Variants in FLRT1 observed in about 807,000 individuals in gnomAD.
FLRT1 encodes the protein fibronectin leucine rich transmembrane protein 1.
FLRT1 carries 14 observed loss-of-function variants against 30.9 expected under a neutral mutation model. The observed-to-expected ratio is 0.45, with a 90% CI of 0.30 to 0.71. The LOEUF (loss-of-function observed/expected upper bound fraction) is 0.71. Among genes scored for constraint, FLRT1 ranks in the 30% least tolerant of loss-of-function variants. FLRT1 has a pLI of 0.08. For synonymous variants in FLRT1, 368 were observed against 430.4 expected, an observed-to-expected ratio of 0.85 and a Z score of 1.80; for missense variants, 737 against 949.2, an observed-to-expected ratio of 0.78 and a Z score of 2.94.
intron 2 of FLRT1, among the ~76,000 whole-genome samples, chr11:64,104,689 A>C (rs1467263699): frequency 1.3e-5 from 2 of 152,080 alleles, no homozygotes; most frequent in Non-Finnish European, 2.9e-5. Flanking sequence ...GGTTGATCCA[A>C]AGCTACTGCC....
At chr11:64,106,876 A>ATTTAT (rs1164075905) in intron 2 of FLRT1, among the ~76,000 whole-genome samples, 1 of 150,484 alleles carries the variant, frequency 6.6e-6, no homozygotes, top group Non-Finnish European at 1.5e-5. Flanking sequence ...GCTTTCTTTT[A>ATTTAT]TTTATTTTAT....
At chr11:64,073,624 G>A (rs1175918753) in intron 1 of FLRT1, among the ~76,000 whole-genome samples, 2 of 152,206 alleles carry the variant, frequency 1.3e-5, no homozygotes, top group South Asian at 2.1e-4. Context: ...CAGAGCCAGC[G>A]CTGGGGGTGC....
At chr11:64,099,937 G>A (rs897839460) in intron 1 of FLRT1, among the ~76,000 whole-genome samples, 1 of 152,166 alleles carries the variant, frequency 6.6e-6, no homozygotes, top group Non-Finnish European at 1.5e-5. Flanking sequence ...GGGTGCACAA[G>A]AGAGCCTCAG....
intron 1 of FLRT1, among the ~76,000 whole-genome samples, chr11:64,088,410 G>A (rs1389050622): frequency 6.6e-6 from 1 of 152,160 alleles, no homozygotes; most frequent in East Asian, 1.9e-4. Context: ...GTGGAAGGCC[G>A]GCACAAGCAT....
chr11:64,065,564 C>T (rs536343264), intron 1 of FLRT1, among the ~76,000 whole-genome samples: 12 of 151,860 alleles, frequency 7.9e-5, no homozygotes, highest in South Asian at 2.1e-4. Context: ...CCAAGGTGGG[C>T]GAATCACGAG....
intron 1 of FLRT1, among the ~76,000 whole-genome samples, chr11:64,053,185 T>A (rs1021398094): frequency 6.6e-6 from 1 of 152,066 alleles, no homozygotes; most frequent in Non-Finnish European, 1.5e-5. Context: ...CTTGGGGCCC[T>A]GGGGTGGGCG....
intron 1 of FLRT1, among the ~76,000 whole-genome samples, chr11:64,092,968 T>C (rs1429314528): frequency 6.6e-6 from 1 of 152,208 alleles, no homozygotes; most frequent in East Asian, 1.9e-4. Flanking sequence ...CAGAGGGAGT[T>C]CGGCTTGCAG....
At chr11:64,104,974 A>C (rs982254013) in intron 2 of FLRT1, among the ~76,000 whole-genome samples, 1 of 152,116 alleles carries the variant, frequency 6.6e-6, no homozygotes, top group African/African-American at 2.4e-5. Context: ...CCAATTCATT[A>C]CCAAGATGGA....
At position 64,082,584 on chromosome 11, in the gene FLRT1, G is replaced by A. The variant is rs1006577674; in HGVS notation, c.-1037-20610G>A. On this transcript the variant is annotated intron_variant, in intron 1 of 2. Transcript: ENST00000682287. This position sits in a 1 kb window ranked among gnomAD's most constrained non-coding sequence, Gnocchi z 4.5. ...GAAGTAGGGTTCAGATTCAGGTGAA[G>A]CTTAGGGGTCCCTGGGCTGAAGACG... Among the ~76,000 whole-genome samples the A allele has an allele frequency of 6.6e-6, 1 of 152,100 alleles. No homozygotes were observed. Among genetic ancestry groups the A allele is most frequent in the Non-Finnish European group, 1.5e-5 (1 of 67,992 alleles).
At chr11:64,042,946 A>C (rs1324642296) in intron 1 of FLRT1, among the ~76,000 whole-genome samples, 1 of 152,210 alleles carries the variant, frequency 6.6e-6, no homozygotes, top group Non-Finnish European at 1.5e-5. Flanking sequence ...TGAGGCACAG[A>C]GTGGAGACAC....
chr11:64,095,322 CT>C (rs1944557527), intron 1 of FLRT1, among the ~76,000 whole-genome samples: 1 of 152,334 alleles, frequency 6.6e-6, no homozygotes, highest in Admixed American at 6.5e-5. Context: ...GAAAAGGAAG[CT>C]AATAGCTTCC....
chr11:64,079,268 C>G (rs1944261386), intron 1 of FLRT1, among the ~76,000 whole-genome samples: 1 of 152,116 alleles, frequency 6.6e-6, no homozygotes, highest in Admixed American at 6.5e-5. Context: ...CAGGGGCTCC[C>G]ACCTGTGCTG....
chr11:64,053,005 G>A (rs535685838), intron 1 of FLRT1, among the ~76,000 whole-genome samples: 11 of 152,320 alleles, frequency 7.2e-5, no homozygotes, highest in East Asian at 1.9e-4. Context: ...AATTACATTC[G>A]GTTGCTTACA....
rs183334596 is a variant in FLRT1 at position 64,110,877 on chromosome 11, G to A, written c.-49-5342G>A. Among the ~76,000 whole-genome samples the A allele has an allele frequency of 3.7e-3, 557 of 152,294 alleles. 19 individuals are homozygous for A. The South Asian group carries it at 0.085, about 23-fold the overall frequency. On this transcript the variant is annotated intron_variant, in intron 2 of 2. Coordinates refer to ENST00000682287, the MANE Select transcript of FLRT1 (RefSeq NM_013280.5). Reference sequence around the variant, plus strand: ...GGCAATTAGAGATTCCTCTGGTGAGGCGTGCTATCTTCCTCCCCACCCCCA... The same window carrying A: ...GGCAATTAGAGATTCCTCTGGTGAGACGTGCTATCTTCCTCCCCACCCCCA...
chr11:64,079,346 G>A (rs987159197), intron 1 of FLRT1, among the ~76,000 whole-genome samples: 91 of 151,882 alleles, frequency 6.0e-4, no homozygotes, highest in African/African-American at 2.1e-3. Flanking sequence ...GGGAGGTTAC[G>A]GTTAAAGGGG....
At chr11:64,087,349 C>T (rs978381098) in intron 1 of FLRT1, among the ~76,000 whole-genome samples, 2 of 152,006 alleles carry the variant, frequency 1.3e-5, no homozygotes, top group Admixed American at 1.3e-4. Flanking sequence ...CCAACCCTGC[C>T]ACCCCTGCCA....
In FLRT1 at chr11:64,117,140, C is replaced by G; in HGVS notation, c.873C>G (p.Ala291=). The G allele has an allele frequency of 6.2e-7, 1 of 1,613,576 alleles. No homozygotes were observed. The highest frequency in any genetic ancestry group is 8.5e-7 in the Non-Finnish European group (1 of 1,179,784). ...GCCACATCCCCTACAACACGCTGGC[C>G]AAGATGCGTGAGCTGGAGCGGCTGG... is the stretch of plus-strand genomic sequence containing the variant. ...AISHIPYNTL[A]KMRELERLDL... is the part of the protein sequence containing the mutation. Residue 291 remains alanine (A), a synonymous_variant, in exon 3 of 3, where the codon GCC becomes GCG. Transcript: ENST00000682287.
intron 1 of FLRT1, among the ~76,000 whole-genome samples, chr11:64,059,294 G>A (rs866309696): frequency 6.6e-6 from 1 of 152,164 alleles, no homozygotes; most frequent in South Asian, 2.1e-4. Flanking sequence ...AGGGTCTTGC[G>A]GGTCCTGGCT....
chr11:64,092,605 C>G (rs1944509545), intron 1 of FLRT1, among the ~76,000 whole-genome samples: 1 of 152,274 alleles, frequency 6.6e-6, no homozygotes, highest in African/African-American at 2.4e-5. Flanking sequence ...CACTCCCACT[C>G]TCATTCAGCC....
Sources: allele counts gnomAD v4.1 joint callset (sites outside exome capture counted in the v4.1 genomes callset), GRCh38; gene constraint gnomAD v4.1.1; non-coding constraint Gnocchi (gnomAD v3.1); transcripts MANE v1.5; gene names NCBI Gene and HGNC (gene_info 2026-07-23, HGNC 2026-07-21).